LRRC49: variants seen among roughly 807,000 people sequenced by gnomAD.
LRRC49 encodes leucine rich repeat containing 49, also known as leucine-rich repeat-containing protein 49.
Under a neutral mutation model 83.3 loss-of-function variants are expected in LRRC49, and 50 were observed. That is an observed-to-expected ratio of 0.60 (90% CI 0.48 to 0.76). The LOEUF (loss-of-function observed/expected upper bound fraction) is 0.76, where lower values mean the gene tolerates loss of function less well. Ranked by LOEUF, LRRC49 falls within the 30% of genes least tolerant of loss-of-function variation. The pLI is 0.00. For synonymous variants in LRRC49, 286 were observed against 283.3 expected (o/e 1.01, Z -0.10); for missense variants, 704 against 809.1 (o/e 0.87, Z 1.58).
At chr15:70,893,030 G>C in intron 1 of LRRC49, 88 bp downstream of exon 1, 1 of 1,439,508 alleles carries the variant, frequency 6.9e-7, no homozygotes, top group Non-Finnish European at 9.8e-7. Flanking sequence ...TGTATTATTA[G>C]GACCGGCACC....
intron 7 of LRRC49, among the ~76,000 whole-genome samples, chr15:70,928,356 A>G (rs2035286920): frequency 6.6e-6 from 1 of 152,198 alleles, no homozygotes; most frequent in Non-Finnish European, 1.5e-5. Flanking sequence ...GAGCTCTTTC[A>G]GTAATAAACA....
chr15:71,015,648 C>T (rs1219489682), intron 14 of LRRC49, among the ~76,000 whole-genome samples: 1 of 152,092 alleles, frequency 6.6e-6, no homozygotes, highest in Admixed American at 6.5e-5. Flanking sequence ...GCTCGGGAAC[C>T]CCTGATATAC....
chr15:70,936,516 C>T (rs753067272), intron 7 of LRRC49: 9 of 385,028 alleles, frequency 2.3e-5, no homozygotes, highest in South Asian at 1.0e-4. Context: ...CTAGCGGCAG[C>T]GTCTCTCCCT....
intron 7 of LRRC49, among the ~76,000 whole-genome samples, chr15:70,928,322 A>G (rs998701055): frequency 5.3e-5 from 8 of 152,142 alleles, no homozygotes; most frequent in African/African-American, 1.7e-4. Flanking sequence ...GATATTCAGT[A>G]AAAAAATCTG....
intron 2 of LRRC49, among the ~76,000 whole-genome samples, chr15:70,874,066 G>T (rs941461491): frequency 6.6e-6 from 1 of 152,162 alleles, no homozygotes; most frequent in Non-Finnish European, 1.5e-5. Context: ...ATTTAGTCCA[G>T]CTAGGGAACC....
chr15:70,940,351 G>A lies in LRRC49; in HGVS notation c.773+3529G>A, dbSNP rs372322752. Among the ~76,000 whole-genome samples the A allele has an allele frequency of 3.1e-3, 471 of 151,750 alleles. 1 individual carries two copies. Among genetic ancestry groups the A allele is most frequent in the Admixed American group, 6.6e-3 (101 of 15,240 alleles). ...AGCTCACTGCAAGCTCCGCCTCCTGGGTTCATGGCATTCTCCTGCCTCAGC... is the reference window on the plus strand; with the variant it reads ...AGCTCACTGCAAGCTCCGCCTCCTGAGTTCATGGCATTCTCCTGCCTCAGC... On this transcript the variant is annotated intron_variant, in intron 8 of 15. Transcript: ENST00000260382.
In LRRC49 at chr15:70,915,906, C is replaced by T. The variant is rs145767834; in HGVS notation, c.568-3144C>T. Among the ~76,000 whole-genome samples, 1,495 of 152,046 alleles carry T rather than the reference C, an allele frequency of 9.8e-3. 26 individuals are homozygous for T. Among genetic ancestry groups the T allele is most frequent in the African/African-American group, 0.033 (1,383 of 41,440 alleles). ...TTCTTTTCTGGAAACTGGATGGAACCTAGATGGTGTTTCTTGAATATAAGA... is the reference window on the plus strand; with the variant it reads ...TTCTTTTCTGGAAACTGGATGGAACTTAGATGGTGTTTCTTGAATATAAGA... On this transcript the variant is annotated intron_variant, in intron 6 of 15. Coordinates refer to ENST00000260382, the MANE Select transcript of LRRC49 (RefSeq NM_017691.5).
chr15:71,006,369 A>G (rs966843992), intron 11 of LRRC49, among the ~76,000 whole-genome samples: 3 of 152,134 alleles, frequency 2.0e-5, no homozygotes, highest in African/African-American at 7.2e-5. Context: ...CATTTCCCAA[A>G]GGGTTTGTTG....
intron 9 of LRRC49, among the ~76,000 whole-genome samples, chr15:70,978,961 A>T (rs756439984): frequency 9.2e-5 from 14 of 152,104 alleles, no homozygotes; most frequent in Non-Finnish European, 1.9e-4. Flanking sequence ...TTTCTAAAAG[A>T]GTTATTCTTC....
intron 9 of LRRC49, among the ~76,000 whole-genome samples, chr15:70,977,340 A>G (rs1259479231): frequency 6.6e-6 from 1 of 152,146 alleles, no homozygotes; most frequent in African/African-American, 2.4e-5. Flanking sequence ...TAGTTTTTAA[A>G]AGTTAAGAAT....
intron 14 of LRRC49, among the ~76,000 whole-genome samples, chr15:71,023,234 C>G (rs1209119149): frequency 4.0e-5 from 6 of 151,798 alleles, no homozygotes; most frequent in African/African-American, 1.5e-4. Context: ...ACTTATCTCA[C>G]CAAGATAGCA....
intron 1 of LRRC49, among the ~76,000 whole-genome samples, chr15:70,863,921 T>G (rs1307992441): frequency 6.6e-6 from 1 of 152,244 alleles, no homozygotes; most frequent in African/African-American, 2.4e-5. Flanking sequence ...CTGCTCAGAA[T>G]AACATCTCAC....
chr15:70,855,205 C>T (rs568147620), intron 1 of LRRC49, among the ~76,000 whole-genome samples: 4 of 151,904 alleles, frequency 2.6e-5, no homozygotes, highest in African/African-American at 7.3e-5. Flanking sequence ...CGTGGTGGCA[C>T]GTGCCTGTAA....
At chr15:70,895,684 C>T (rs948379058) in intron 2 of LRRC49, 165 bp from the exon 3 acceptor site, 6 of 524,792 alleles carry the variant, frequency 1.1e-5, no homozygotes, top group Non-Finnish European at 2.0e-5. Flanking sequence ...TATGGATTTG[C>T]CAATGTGGTA....
intron 8 of LRRC49, among the ~76,000 whole-genome samples, chr15:70,944,130 G>A (rs2035922227): frequency 1.3e-5 from 2 of 152,178 alleles, no homozygotes; most frequent in South Asian, 4.2e-4. Context: ...GTATGAGGAG[G>A]GGCCTCTAGT....
At chr15:70,975,164 C>T (rs2037162091) in intron 9 of LRRC49, among the ~76,000 whole-genome samples, 1 of 151,530 alleles carries the variant, frequency 6.6e-6, no homozygotes, top group Admixed American at 6.6e-5. Flanking sequence ...TTTTAGAGGG[C>T]AGACAATAAA....
chr15:71,000,948 TCTG>T (rs1312113575), intron 11 of LRRC49, among the ~76,000 whole-genome samples: 2 of 152,214 alleles, frequency 1.3e-5, no homozygotes, highest in East Asian at 3.8e-4. Context: ...GTTTACACTC[TCTG>T]CTTTCCTCCT....
rs1039853182 is a variant in LRRC49 at position 71,052,248 on chromosome 15, A to G, written c.*2636A>G. The G allele has an allele frequency of 6.6e-6, 1 of 152,326 alleles. No homozygotes were observed. Among genetic ancestry groups the G allele is most frequent in the Non-Finnish European group, 1.5e-5 (1 of 68,030 alleles). 9.4% of individuals were successfully genotyped at this position (152,326 alleles called of 1,614,324 possible). A position where few individuals can be genotyped will look rare whatever the true frequency, so the allele number is the denominator to read the frequency against. On this transcript the variant is annotated 3_prime_UTR_variant, in exon 16 of 16. Transcript: ENST00000260382. ...CCCATAGTCTGAGACTCTCTAGGCT[A>G]GTGTGTGCTGAAGAATTGCTTTTTT... is the stretch of plus-strand genomic sequence containing the variant.
chr15:71,003,088 C>T (rs113700991), intron 11 of LRRC49, among the ~76,000 whole-genome samples: 8 of 151,878 alleles, frequency 5.3e-5, no homozygotes, highest in African/African-American at 1.7e-4. Flanking sequence ...CAGGCATGCA[C>T]CACCATGCCC....
Sources: gnomAD v4.1 joint callset for allele counts (sites outside exome capture counted in the v4.1 genomes callset) on GRCh38, gnomAD v4.1.1 for gene constraint, MANE v1.5 for transcripts, NCBI Gene and HGNC (gene_info 2026-07-23, HGNC 2026-07-21) for gene names.